Variants in ZPR1 observed in about 807,000 individuals in gnomAD.
ZPR1 encodes ZPR1 zinc finger, also known as zinc finger protein ZPR1.
In ZPR1, 37 loss-of-function variants were observed where a neutral mutation model predicts 59.6. The observed-to-expected ratio is 0.62, with a 90% confidence interval of 0.48 to 0.82. The LOEUF (loss-of-function observed/expected upper bound fraction) is 0.82, where lower values mean the gene tolerates loss of function less well. Among genes scored for constraint, ZPR1 ranks in the 40% least tolerant of loss-of-function variants. The pLI, the probability that ZPR1 is intolerant of heterozygous loss-of-function variation, is 0.00. For synonymous variants in ZPR1, 191 were observed against 215.2 expected (o/e 0.89, Z 0.99); for missense variants, 527 against 579.9 (o/e 0.91, Z 0.94).
At position 116,777,921 on chromosome 11, in the gene ZPR1, CA is replaced by C. The variant is rs1354437398; in HGVS notation, c.*1003del. ...CCTTTCTCTCTGGATGAATGTGTTT[CA>C]ACATTTCTAACTGAGAGTAGGGCTA... On this transcript the variant is annotated 3_prime_UTR_variant, in exon 14 of 14. Transcript: ENST00000227322. 6.6e-6 allele frequency: 1 copy of C among 152,112 alleles called. No individual in the cohort carries two copies. The highest frequency in any genetic ancestry group is 2.4e-5 in the African/African-American group (1 of 41,414). The allele number at this position is 152,112 out of a possible 1,614,324, so 9.4% of individuals were successfully genotyped here. A position where few individuals can be genotyped will look rare whatever the true frequency, so the allele number is the denominator to read the frequency against.
chr11:116,784,061 TCTA>T (rs1299298786), intron 9 of ZPR1, among the ~76,000 whole-genome samples: 2 of 152,196 alleles, frequency 1.3e-5, no homozygotes, highest in East Asian at 3.8e-4. Context: ...TTCAGACAGC[TCTA>T]TTGAGTTCTT....
chr11:116,785,379 A>C, intron 6 of ZPR1, 135 bp downstream of exon 6: 1 of 1,358,966 alleles, frequency 7.4e-7, no homozygotes, highest in East Asian at 2.3e-5. Flanking sequence ...CCTGGACATA[A>C]GCAAGATGAG....
At position 116,778,951 on chromosome 11, in the gene ZPR1, C is replaced by T. The variant is rs1940761252; in HGVS notation, c.1354G>A (p.Glu452Lys). 1.9e-6 allele frequency: 3 copies of T among 1,614,030 alleles called. 1 individual carries two copies. Among genetic ancestry groups the T allele is most frequent in the Admixed American group, 3.3e-5 (2 of 60,010 alleles). The part of the protein sequence containing the change: ...GLNDMKTEGY[E>K]AGLAPQR ...TACCGTTGCGGAGCCAGGCCTGCCT[C>T]ATAGCCCTCTGTCTTCATGTCATTG... Residue 452 changes from glutamate (E) to lysine (K), a missense_variant, in exon 14 of 14, where the codon GAG becomes AAG. Physicochemically the swap from Glu to Lys is moderately conservative, Grantham distance 56. Coordinates refer to ENST00000227322, the MANE Select transcript of ZPR1 (RefSeq NM_003904.5).
At position 116,782,207 on chromosome 11, in the gene ZPR1, T is replaced by C. The variant is rs745744393; in HGVS notation, c.1130A>G (p.Asn377Ser). 5.6e-6 allele frequency: 9 copies of C among 1,614,138 alleles called. No individual in the cohort carries two copies. Among genetic ancestry groups the C allele is most frequent in the South Asian group, 1.1e-5 (1 of 91,082 alleles). The change falls in exon 12 of 14, where the codon AAT becomes AGT. Residue 377 changes from asparagine to serine, a missense_variant. Asn to Ser is a conservative substitution (Grantham distance 46). Transcript: ENST00000227322. The stretch of plus-strand genomic sequence containing the variant: ...CTGTAGTCTCTCCGTCTGTCCAGGA[T>C]TGGAACTGTCGCCCAGTGTGAAAGG... Reference protein sequence around the residue: ...KNPFTLGDSSNPGQTERLQEF... With the variant: ...KNPFTLGDSSSPGQTERLQEF...
chr11:116,774,432 A>G lies in ZPR1; in HGVS notation c.*4493T>C, dbSNP rs1382479099. On this transcript the variant is annotated 3_prime_UTR_variant, in exon 14 of 14. Transcript: ENST00000227322. ...GCTATACACAACTACACAAAAGTGC[A>G]AACAATAGTTTCTTGGACCAAGAGT... 6.6e-6 allele frequency: 1 copy of G among 152,178 alleles called. No individual in the cohort carries two copies. The highest frequency in any genetic ancestry group is 2.4e-5 in the African/African-American group (1 of 41,454). The allele number at this position is 152,178 out of a possible 1,614,324, so 9.4% of individuals were successfully genotyped here.
At chr11:116,783,798 T>C (rs1466852689) in intron 9 of ZPR1, among the ~76,000 whole-genome samples, 179 bp from the exon 10 acceptor site, 1 of 146,696 alleles carries the variant, frequency 6.8e-6, no homozygotes, top group Non-Finnish European at 1.5e-5. Context: ...CCAGGAACAG[T>C]GCCCAACCCT....
chr11:116,784,374 C>A lies in ZPR1; in HGVS notation c.891+4G>T. 6.2e-7 allele frequency: 1 copy of A among 1,613,988 alleles called. No individual in the cohort carries two copies. Among genetic ancestry groups the A allele is most frequent in the Non-Finnish European group, 8.5e-7 (1 of 1,179,988 alleles). ...CTTCTTCCCAAATAATGGCGCCCACCCACCTCATTGGTCCGATGCCCACAG... is the reference window on the plus strand; with the variant it reads ...CTTCTTCCCAAATAATGGCGCCCACACACCTCATTGGTCCGATGCCCACAG... On this transcript the variant is annotated splice_donor_region_variant and intron_variant, in intron 9 of 13. Coordinates refer to ENST00000227322, the MANE Select transcript of ZPR1 (RefSeq NM_003904.5).
In ZPR1 at chr11:116,773,884, A is replaced by C. The variant is rs1940685300; in HGVS notation, c.*5041T>G. ...TCTCATTTAACCCTCACAATTCTCAAATCGTTTCATTATCATATTTTACAG... is the reference window on the plus strand; with the variant it reads ...TCTCATTTAACCCTCACAATTCTCACATCGTTTCATTATCATATTTTACAG... On this transcript the variant is annotated 3_prime_UTR_variant, in exon 14 of 14. Coordinates refer to ENST00000227322, the MANE Select transcript of ZPR1 (RefSeq NM_003904.5). 6.6e-6 allele frequency: 1 copy of C among 152,240 alleles called. No homozygotes were observed. Among genetic ancestry groups the C allele is most frequent in the African/African-American group, 2.4e-5 (1 of 41,456 alleles). 9.4% of individuals were successfully genotyped at this position (152,240 alleles called of 1,614,324 possible). A position where few individuals can be genotyped will look rare whatever the true frequency, so the allele number is the denominator to read the frequency against.
Position 116,786,544 on chromosome 11 carries a change from G to GATAGC in ZPR1, c.457_461dup (p.Ile154MetfsTer31). 1 of 1,614,214 alleles carries GATAGC rather than the reference G, an allele frequency of 6.2e-7. No homozygotes were observed. Among genetic ancestry groups the GATAGC allele is most frequent in the Non-Finnish European group, 8.5e-7 (1 of 1,180,036 alleles). On this transcript the variant is annotated frameshift_variant, in exon 4 of 14. Transcript: ENST00000227322. LOFTEE classifies it high-confidence loss of function. Reference sequence around the variant, plus strand: ...CAGGCTGGTCCTGCTCCAGGCCAGAGATAGCACGGGTGATCAATCCTTCAA... The same window carrying GATAGC: ...CAGGCTGGTCCTGCTCCAGGCCAGAGATAGCATAGCACGGGTGATCAATCCTTCAA...
intron 12 of ZPR1, among the ~76,000 whole-genome samples, chr11:116,781,573 C>G (rs1424819039): frequency 1.3e-5 from 2 of 152,210 alleles, no homozygotes; most frequent in African/African-American, 4.8e-5. Flanking sequence ...AATAATCACT[C>G]TAGTGTGATA....
rs180945034 is a variant in ZPR1, at chr11:116,786,638, C to A, written c.425-57G>T. Reference sequence around the variant, plus strand: ...TTAGCCTCAGCTCTGCTATCAAGTCCCTGTATGACCCTGGGCAATTCACTT... The same window carrying A: ...TTAGCCTCAGCTCTGCTATCAAGTCACTGTATGACCCTGGGCAATTCACTT... On this transcript the variant is annotated intron_variant, in intron 3 of 13. Coordinates refer to ENST00000227322, the MANE Select transcript of ZPR1 (RefSeq NM_003904.5). 31 of 1,449,360 alleles carry A rather than the reference C, an allele frequency of 2.1e-5. No homozygotes were observed. The Admixed American group carries it at 5.1e-4, about 24-fold the overall frequency. The allele number at this position is 1,449,360 out of a possible 1,614,324, so 89.8% of individuals were successfully genotyped here.
At chr11:116,785,263 C>A (rs1940866788) in intron 6 of ZPR1, 117 bp from the exon 7 acceptor site, 3 of 1,229,994 alleles carry the variant, frequency 2.4e-6, no homozygotes, top group Non-Finnish European at 3.5e-6. Context: ...TCAGGTGCCA[C>A]CTCATCAGTT....
At chr11:116,786,731 C>T (rs906708184) in intron 3 of ZPR1, 150 bp from the exon 4 acceptor site, 1 of 728,590 alleles carries the variant, frequency 1.4e-6, no homozygotes, top group African/African-American at 1.8e-5. Context: ...CCATTCATGT[C>T]TGATAATAGT....
chr11:116,779,048 C>A lies in ZPR1; in HGVS notation c.1257G>T (p.Ala419=). 6.2e-7 allele frequency: 1 copy of A among 1,614,050 alleles called. No individual in the cohort carries two copies. The highest frequency in any genetic ancestry group is 8.5e-7 in the Non-Finnish European group (1 of 1,179,990). The change falls in exon 14 of 14, where the codon GCG becomes GCT. Residue 419 remains alanine, a synonymous_variant. Transcript: ENST00000227322. ...AGNSYLQNVY[A]PEDDPEMKVE... is the part of the protein sequence containing the mutation. Reference sequence around the variant, plus strand: ...CCTTCATCTCAGGATCATCTTCAGGCGCATACACATTCTGCAAGGTCAAGG... The same window carrying A: ...CCTTCATCTCAGGATCATCTTCAGGAGCATACACATTCTGCAAGGTCAAGG...
In ZPR1 at chr11:116,781,580, G is replaced by GAT. The variant is rs1298056246; in HGVS notation, c.1179+576_1179+577dup. ...TCCCAGCCAATAATCACTCTAGTGT[G>GAT]ATAACAGAATAAAGACATGTTCAGA... is the stretch of plus-strand genomic sequence containing the variant. On this transcript the variant is annotated intron_variant, in intron 12 of 13. Coordinates refer to ENST00000227322, the MANE Select transcript of ZPR1 (RefSeq NM_003904.5). 4.6e-5 allele frequency among the ~76,000 whole-genome samples: 7 copies of GAT among 152,320 alleles called. No homozygotes were observed. The East Asian group carries it at 1.4e-3, about 29-fold the overall frequency.
At chr11:116,787,386 GA>G in intron 2 of ZPR1, 95 bp downstream of exon 2, 2 of 1,294,442 alleles carry the variant, frequency 1.5e-6, no homozygotes, top group Non-Finnish European at 2.2e-6. Context: ...GACATAGGGG[GA>G]TTTATTTAAG....
At chr11:116,779,862 A>G in intron 12 of ZPR1, 25 bp from the exon 13 acceptor site, 1 of 1,399,736 alleles carries the variant, frequency 7.1e-7, no homozygotes, top group Non-Finnish European at 9.7e-7. Context: ...GAACACAGCA[A>G]GTAAATTTTA....
chr11:116,778,938 G>C lies in ZPR1; in HGVS notation c.1367C>G (p.Ala456Gly). 1.9e-6 allele frequency: 3 copies of C among 1,613,942 alleles called. No homozygotes were observed. The highest frequency in any genetic ancestry group is 4.5e-5 in the East Asian group (2 of 44,878). The change falls in exon 14 of 14, where the codon GCT (alanine) becomes GGT (glycine). Residue 456 changes from alanine (A) to glycine (G), a missense_variant. Coordinates refer to ENST00000227322, the MANE Select transcript of ZPR1 (RefSeq NM_003904.5). ...MKTEGYEAGL[A>G]PQR ...AGCCACCCACTGCTACCGTTGCGGAGCCAGGCCTGCCTCATAGCCCTCTGT... is the reference window on the plus strand; with the variant it reads ...AGCCACCCACTGCTACCGTTGCGGACCCAGGCCTGCCTCATAGCCCTCTGT...
chr11:116,775,870 T>G lies in ZPR1; in HGVS notation c.*3055A>C, dbSNP rs897279013. On this transcript the variant is annotated 3_prime_UTR_variant, in exon 14 of 14. Transcript: ENST00000227322. ...CTGCCATTTGCCTTAAAAAGAAGTGTGTAAAAAACATTTTTTAATAGGAAT... is the reference window on the plus strand; with the variant it reads ...CTGCCATTTGCCTTAAAAAGAAGTGGGTAAAAAACATTTTTTAATAGGAAT... The G allele has an allele frequency of 2.5e-5, 4 of 159,744 alleles. No individual in the cohort carries two copies. Among genetic ancestry groups the G allele is most frequent in the African/African-American group, 9.7e-5 (4 of 41,442 alleles). 9.9% of individuals were successfully genotyped at this position (159,744 alleles called of 1,614,324 possible). A position where few individuals can be genotyped will look rare whatever the true frequency, so the allele number is the denominator to read the frequency against.
Sources: gnomAD v4.1 joint callset for allele counts (sites outside exome capture counted in the v4.1 genomes callset) on GRCh38, gnomAD v4.1.1 for gene constraint, MANE v1.5 for transcripts, NCBI Gene and HGNC (gene_info 2026-07-23, HGNC 2026-07-21) for gene names.